The following EMCN variants were observed in gnomAD, a reference collection of about 807,000 sequenced individuals.
The protein encoded by EMCN is endomucin, also known as MUC-14.
EMCN carries 37 observed loss-of-function variants against 38.4 expected under a neutral mutation model. The observed-to-expected ratio is 0.96, with a 90% confidence interval of 0.74 to 1.27. The LOEUF (loss-of-function observed/expected upper bound fraction) is 1.27, where lower values mean the gene tolerates loss of function less well. Ranked by LOEUF, EMCN falls within the 50% of genes most tolerant of loss-of-function variation. EMCN has a pLI of 0.00. For synonymous variants in EMCN, 95 were observed against 100.8 expected, an observed-to-expected ratio of 0.94 and a Z score of 0.35; for missense variants, 318 against 302.8, an observed-to-expected ratio of 1.05 and a Z score of -0.37.
chr4:100,454,184 A>C (rs1727937476), intron 4 of EMCN, among the ~76,000 whole-genome samples: 1 of 151,764 alleles, frequency 6.6e-6, no homozygotes, highest in South Asian at 2.1e-4. Context: ...AATAATAAAA[A>C]AATTAAAAAA....
chr4:100,400,606 G>T (rs1388910955), intron 11 of EMCN, among the ~76,000 whole-genome samples: 2 of 152,122 alleles, frequency 1.3e-5, no homozygotes, highest in African/African-American at 4.8e-5. Flanking sequence ...ATTAAGGTCT[G>T]CCACTTTTTG....
chr4:100,405,110 T>C (rs1484244624), intron 11 of EMCN, among the ~76,000 whole-genome samples: 1 of 152,104 alleles, frequency 6.6e-6, no homozygotes. Context: ...CTAGGAGCCT[T>C]TGGGAAGAGA....
At chr4:100,426,023 G>C (rs774430412) in intron 5 of EMCN, among the ~76,000 whole-genome samples, 16 of 152,150 alleles carry the variant, frequency 1.1e-4, no homozygotes, top group Non-Finnish European at 2.2e-4. Flanking sequence ...GAGACCCTCA[G>C]AGTCAAGTCT....
chr4:100,418,912 G>A (rs1051457490), intron 8 of EMCN, among the ~76,000 whole-genome samples: 1 of 152,062 alleles, frequency 6.6e-6, no homozygotes, highest in African/African-American at 2.4e-5. Flanking sequence ...ACCCAGCAGC[G>A]GGATTGCTGG....
intron 5 of EMCN, among the ~76,000 whole-genome samples, chr4:100,431,721 A>C (rs1456729915): frequency 6.7e-6 from 1 of 150,210 alleles, no homozygotes; most frequent in African/African-American, 2.5e-5. Context: ...CTTACAATAC[A>C]TCTCTCTCTC....
At chr4:100,412,965 G>A (rs191797140) in intron 10 of EMCN, among the ~76,000 whole-genome samples, 103 of 152,252 alleles carry the variant, frequency 6.8e-4, no homozygotes, top group African/African-American at 2.3e-3. Context: ...GCTCATTGAG[G>A]CTTCTAGAAA....
At chr4:100,400,373 G>GT (rs1214278914) in intron 11 of EMCN, among the ~76,000 whole-genome samples, 290 of 139,714 alleles carry the variant, frequency 2.1e-3, no homozygotes, top group African/African-American at 7.0e-3. Context: ...TTTGTTTTTT[G>GT]TTTTTTTTCT....
chr4:100,461,152 C>A (rs149556487), intron 4 of EMCN, among the ~76,000 whole-genome samples: 12 of 152,170 alleles, frequency 7.9e-5, no homozygotes, highest in African/African-American at 2.9e-4. Flanking sequence ...TTAAATCCAC[C>A]CACATATCAG....
chr4:100,460,774 T>C (rs1728157773), intron 4 of EMCN, among the ~76,000 whole-genome samples: 1 of 152,196 alleles, frequency 6.6e-6, no homozygotes, highest in Non-Finnish European at 1.5e-5. Flanking sequence ...TGTTTCCTTT[T>C]CTGCACTGAA....
intron 2 of EMCN, among the ~76,000 whole-genome samples, chr4:100,477,299 A>G (rs1360577782): frequency 6.6e-6 from 1 of 152,226 alleles, no homozygotes; most frequent in African/African-American, 2.4e-5. Flanking sequence ...TTATCCTAGA[A>G]GTTCATTTTA....
rs1016837384 is a variant in EMCN, at chr4:100,415,976, A to AC, written c.690-18dup. 4 of 1,547,102 alleles carry AC rather than the reference A, an allele frequency of 2.6e-6. No individual in the cohort carries two copies. The highest frequency in any genetic ancestry group is 3.5e-6 in the Non-Finnish European group (4 of 1,137,046). On this transcript the variant is annotated splice_polypyrimidine_tract_variant and intron_variant, in intron 9 of 11. Transcript: ENST00000296420. ...GACTGAGGTCTATTTGAAAAAAAAA[A>AC]CATGAAATTAACACCACAGTAATCA... is the stretch of plus-strand genomic sequence containing the variant.
At chr4:100,517,055 G>A (rs1729777381) in intron 1 of EMCN, among the ~76,000 whole-genome samples, 1 of 151,982 alleles carries the variant, frequency 6.6e-6, no homozygotes, top group South Asian at 2.1e-4. Context: ...GTACAGGGTA[G>A]GAACCTAATA....
rs1578383892 is a variant in EMCN at position 100,397,680 on chromosome 4, T to C, written c.*733A>G. On this transcript the variant is annotated 3_prime_UTR_variant, in exon 12 of 12. Transcript: ENST00000296420. ...TGATAAATTACTCTCCCCCTAACAG[T>C]CTGATATGTGAATCGTATGTCCCTT... 1 of 152,090 alleles carries C rather than the reference T, an allele frequency of 6.6e-6. No homozygotes were observed. Among genetic ancestry groups the C allele is most frequent in the East Asian group, 1.9e-4 (1 of 5,166 alleles). The allele number at this position is 152,090 out of a possible 1,614,324, so 9.4% of individuals were successfully genotyped here.
At chr4:100,417,069 C>G (rs770195324) in intron 9 of EMCN, 48 bp downstream of exon 9, 6 of 1,578,596 alleles carry the variant, frequency 3.8e-6, no homozygotes, top group Non-Finnish European at 5.2e-6. Flanking sequence ...ATAATTTTCA[C>G]TACGTAAATG....
intron 3 of EMCN, 92 bp downstream of exon 3, chr4:100,474,946 A>G (rs1416147252): frequency 3.7e-6 from 2 of 544,790 alleles, no homozygotes; most frequent in Admixed American, 3.9e-5. Context: ...AAAATACTAA[A>G]AACTTCTGAA....
chr4:100,407,476 T>C (rs1317603815), intron 11 of EMCN, among the ~76,000 whole-genome samples: 1 of 152,186 alleles, frequency 6.6e-6, no homozygotes, highest in Non-Finnish European at 1.5e-5. Context: ...CCTTTGCTTA[T>C]GAGGTCTAGT....
chr4:100,436,316 A>G (rs1006723958), intron 5 of EMCN, among the ~76,000 whole-genome samples: 5 of 152,200 alleles, frequency 3.3e-5, no homozygotes, highest in Admixed American at 1.3e-4. Context: ...ATGAGATACC[A>G]TCTCATGCCA....
intron 3 of EMCN, among the ~76,000 whole-genome samples, chr4:100,467,081 C>A (rs1354288640): frequency 1.3e-5 from 2 of 151,892 alleles, no homozygotes; most frequent in Non-Finnish European, 2.9e-5. Context: ...GAATGCAATG[C>A]CAAAGATTTT....
chr4:100,494,512 A>C (rs1729162362), intron 1 of EMCN, among the ~76,000 whole-genome samples: 1 of 152,126 alleles, frequency 6.6e-6, no homozygotes, highest in South Asian at 2.1e-4. Context: ...TTGCTTCTCA[A>C]TCAACTCAAA....
Sources: allele counts gnomAD v4.1 joint callset (sites outside exome capture counted in the v4.1 genomes callset), GRCh38; gene constraint gnomAD v4.1.1; transcripts MANE v1.5; gene names NCBI Gene and HGNC (gene_info 2026-07-23, HGNC 2026-07-21).